The following GRAMD4 variants were observed in gnomAD, a reference collection of about 807,000 sequenced individuals.
The protein encoded by GRAMD4 is GRAM domain containing 4.
In GRAMD4, 25 loss-of-function variants were observed where a neutral mutation model predicts 83.9. The ratio of observed to expected loss-of-function variants is 0.30; its 90% CI spans 0.22 to 0.42. GRAMD4 has a LOEUF of 0.42. Among genes scored for constraint, GRAMD4 ranks in the 10% least tolerant of loss-of-function variants. The pLI is 1.00. For missense variants in GRAMD4, 593 were observed against 788.7 expected, an observed-to-expected ratio of 0.75 and a Z score of 2.97; for synonymous variants, 336 against 320.9, an observed-to-expected ratio of 1.05 and a Z score of -0.50.
In GRAMD4 at chr22:46,620,636, A is replaced by G; in HGVS notation, c.-50+71A>G. ...CTGAGTGGAAGCCCCAGCCTTGGGAAAAGCTGCTACTCTCTGGGGCAGTGG... is the reference window on the plus strand; with the variant it reads ...CTGAGTGGAAGCCCCAGCCTTGGGAGAAGCTGCTACTCTCTGGGGCAGTGG... On this transcript the variant is annotated intron_variant, in intron 1 of 18. Coordinates refer to ENST00000406902, the MANE Select transcript of GRAMD4 (RefSeq NM_015124.5). The surrounding 1 kb of genome is among the most constrained non-coding windows in gnomAD (Gnocchi z 4.7). 1 of 524,852 alleles carries G rather than the reference A, an allele frequency of 1.9e-6. No individual in the cohort carries two copies. The highest frequency in any genetic ancestry group is 2.5e-6 in the Non-Finnish European group (1 of 407,804). The allele number at this position is 524,852 out of a possible 1,614,324, so 32.5% of individuals were successfully genotyped here.
rs1224868471 is a variant in GRAMD4 at position 46,677,946 on chromosome 22, C to T, written c.*695C>T. On this transcript the variant is annotated 3_prime_UTR_variant, in exon 19 of 19. Transcript: ENST00000406902. ...TTGGTGGCACCTTCCTTGCTGGCCTCCAGGGCGCTCAGCACCGCGTCTGTA... is the reference window on the plus strand; with the variant it reads ...TTGGTGGCACCTTCCTTGCTGGCCTTCAGGGCGCTCAGCACCGCGTCTGTA... 2 of 985,126 alleles carry T rather than the reference C, an allele frequency of 2.0e-6. No homozygotes were observed. The highest frequency in any genetic ancestry group is 2.4e-6 in the Non-Finnish European group (2 of 829,694). The allele number at this position is 985,126 out of a possible 1,614,324, so 61.0% of individuals were successfully genotyped here. A position where few individuals can be genotyped will look rare whatever the true frequency, so the allele number is the denominator to read the frequency against.
chr22:46,606,017 T>TGGC (rs1569256065), intron 1 of GRAMD4, among the ~76,000 whole-genome samples: 11 of 7,800 alleles, frequency 1.4e-3, no homozygotes, highest in Non-Finnish European at 2.2e-3. Context: ...CATGGGTTTA[T>TGGC]TGACCAGTGC....
At chr22:46,667,780 C>T (rs1489162448) in intron 10 of GRAMD4, among the ~76,000 whole-genome samples, 1 of 152,250 alleles carries the variant, frequency 6.6e-6, no homozygotes, top group Non-Finnish European at 1.5e-5. Context: ...TTGGCTGGGC[C>T]TCAGTTTCCC....
At chr22:46,593,511 C>T (rs1341501967) in intron 1 of GRAMD4, among the ~76,000 whole-genome samples, 1 of 152,124 alleles carries the variant, frequency 6.6e-6, no homozygotes, top group African/African-American at 2.4e-5. Flanking sequence ...CCATGGCGGG[C>T]GGGCAGAGGT....
rs1157373019 is a variant in GRAMD4, at chr22:46,648,859, GATGC to G, written c.284-9324_284-9321del. On this transcript the variant is annotated intron_variant, in intron 3 of 18. Transcript: ENST00000406902. ...GGATGGATGGATGCATGGATGGATG[GATGC>G]ATGGATGGATGGATGGATGGATGGA... 8.6e-4 allele frequency among the ~76,000 whole-genome samples: 116 copies of G among 134,844 alleles called. 1 individual carries two copies. Among genetic ancestry groups the G allele is most frequent in the African/African-American group, 3.2e-3 (108 of 34,056 alleles). 88.5% of individuals were successfully genotyped at this position (134,844 alleles called of 152,430 possible).
chr22:46,674,988 C>T (rs866692275), intron 16 of GRAMD4, among the ~76,000 whole-genome samples: 5 of 152,208 alleles, frequency 3.3e-5, no homozygotes, highest in South Asian at 2.1e-4. Context: ...GCTGTCTTCT[C>T]TGGGGCCCAA....
At chr22:46,664,226 TC>T (rs1396457678) in intron 8 of GRAMD4, 109 bp downstream of exon 8, 3 of 780,710 alleles carry the variant, frequency 3.8e-6, no homozygotes, top group Non-Finnish European at 6.9e-6. Context: ...AGGTGGCACT[TC>T]CTCAGGCCCC....
chr22:46,600,655 C>A (rs1019896216), intron 1 of GRAMD4, among the ~76,000 whole-genome samples: 2 of 152,150 alleles, frequency 1.3e-5, no homozygotes, highest in African/African-American at 4.8e-5. Flanking sequence ...AGGTGCTAAG[C>A]CCCGGTCGCA....
chr22:46,585,931 C>T (rs113110237), intron 1 of GRAMD4, among the ~76,000 whole-genome samples: 66 of 152,310 alleles, frequency 4.3e-4, no homozygotes, highest in African/African-American at 1.5e-3. Context: ...TCCTCTGGGG[C>T]TAGGACTGAG....
At chr22:46,668,408 G>A (rs1327498128) in intron 11 of GRAMD4, among the ~76,000 whole-genome samples, 2 of 152,292 alleles carry the variant, frequency 1.3e-5, no homozygotes, top group Admixed American at 6.5e-5. Flanking sequence ...CAGCCTCTGC[G>A]GACGGTGCGC....
chr22:46,654,251 G>T (rs558465871), intron 3 of GRAMD4, among the ~76,000 whole-genome samples: 14 of 152,260 alleles, frequency 9.2e-5, no homozygotes, highest in Non-Finnish European at 2.1e-4. Context: ...GTGACCCCTC[G>T]GAGGAAGGGT....
chr22:46,643,129 A>T (rs990945816), intron 3 of GRAMD4, among the ~76,000 whole-genome samples: 3 of 138,096 alleles, frequency 2.2e-5, no homozygotes, highest in Admixed American at 1.5e-4. Flanking sequence ...CCATGCATCC[A>T]TCCATGCATC....
intron 8 of GRAMD4, among the ~76,000 whole-genome samples, chr22:46,665,079 C>T (rs6008944): frequency 0.34 from 52,338 of 152,202 alleles, 9,430 homozygotes; most frequent in Admixed American, 0.43. Flanking sequence ...GCCTGGGCTC[C>T]CACACGCTCC....
At chr22:46,651,483 G>A (rs577206247) in intron 3 of GRAMD4, among the ~76,000 whole-genome samples, 33 of 152,304 alleles carry the variant, frequency 2.2e-4, no homozygotes, top group Middle Eastern at 3.4e-3. Context: ...CTGGGTCTCC[G>A]CCTGTGACTT....
intron 1 of GRAMD4, among the ~76,000 whole-genome samples, chr22:46,602,760 C>CCCTTT (rs2081323607): frequency 3.9e-5 from 2 of 51,322 alleles, no homozygotes; most frequent in African/African-American, 5.8e-5. Context: ...GTCCATTTTT[C>CCCTTT]TCTTTTTTTT....
intron 1 of GRAMD4, among the ~76,000 whole-genome samples, chr22:46,578,431 G>A (rs1308348849): frequency 1.3e-5 from 2 of 152,184 alleles, no homozygotes; most frequent in South Asian, 2.1e-4. Context: ...CTGGGCCTCA[G>A]TTTCCTCACT....
chr22:46,587,520 G>C (rs144056263), intron 1 of GRAMD4, among the ~76,000 whole-genome samples: 38 of 151,854 alleles, frequency 2.5e-4, no homozygotes, highest in Non-Finnish European at 4.3e-4. Context: ...CCAACTAGGG[G>C]GATAGTCAGG....
chr22:46,629,480 C>T (rs1221130204), intron 2 of GRAMD4, among the ~76,000 whole-genome samples: 7 of 152,168 alleles, frequency 4.6e-5, no homozygotes, highest in Non-Finnish European at 8.8e-5. Flanking sequence ...GACACTGCTC[C>T]GGCCCAGGCT....
At position 46,678,955 on chromosome 22, in the gene GRAMD4, G is replaced by A. The variant is rs149526341; in HGVS notation, c.*1704G>A. 17 of 985,786 alleles carry A rather than the reference G, an allele frequency of 1.7e-5. No individual in the cohort carries two copies. Among genetic ancestry groups the A allele is most frequent in the African/African-American group, 8.7e-5 (5 of 57,362 alleles). The allele number at this position is 985,786 out of a possible 1,614,324, so 61.1% of individuals were successfully genotyped here. A position where few individuals can be genotyped will look rare whatever the true frequency, so the allele number is the denominator to read the frequency against. ...GGATGACCACACGGCGGCCTTTCCCGAATGGGGACAGAACCCGCTCTGAGC... is the reference window on the plus strand; with the variant it reads ...GGATGACCACACGGCGGCCTTTCCCAAATGGGGACAGAACCCGCTCTGAGC... On this transcript the variant is annotated 3_prime_UTR_variant, in exon 19 of 19. Coordinates refer to ENST00000406902, the MANE Select transcript of GRAMD4 (RefSeq NM_015124.5).
Sources: allele counts gnomAD v4.1 joint callset (sites outside exome capture counted in the v4.1 genomes callset), GRCh38; gene constraint gnomAD v4.1.1; non-coding constraint Gnocchi (gnomAD v3.1); transcripts MANE v1.5; gene names NCBI Gene and HGNC (gene_info 2026-07-23, HGNC 2026-07-21).